The following TRAPPC13 variants were observed in gnomAD, a reference collection of about 807,000 sequenced individuals.
TRAPPC13 encodes REV7-interacting novel NHEJ regulator 1.
A neutral mutation model predicts 54.0 loss-of-function variants in TRAPPC13; 39 were observed. The ratio of observed to expected loss-of-function variants is 0.72; its 90% CI spans 0.56 to 0.94. TRAPPC13 has a LOEUF of 0.94. Among genes scored for constraint, TRAPPC13 ranks in the 40% least tolerant of loss-of-function variants. The probability of loss-of-function intolerance (pLI) is 0.00; values close to 1 mark genes in which losing one functional copy is unlikely to be tolerated. For synonymous variants in TRAPPC13, 148 were observed against 167.7 expected (o/e 0.88, Z 0.91); for missense variants, 386 against 488.1 (o/e 0.79, Z 1.97).
At chr5:65,661,600 C>T (rs37348) in intron 10 of TRAPPC13, 93,729 of 152,586 alleles carry the variant, frequency 0.61, 29,098 homozygotes, top group South Asian at 0.65. Context: ...TGTTCCAAGC[C>T]TTCGTGTTGT....
Position 65,658,470 on chromosome 5 carries a change from G to T in TRAPPC13, c.667G>T (p.Glu223Ter). The T allele has an allele frequency of 6.3e-7, 1 of 1,578,278 alleles. No individual in the cohort carries two copies. Among genetic ancestry groups the T allele is most frequent in the Non-Finnish European group, 8.6e-7 (1 of 1,160,084 alleles). ...GCCATCTATTATGTACAATGTAACAGAATTAAATTCAGTCAGCCAAGCTGG... is the reference window on the plus strand; with the variant it reads ...GCCATCTATTATGTACAATGTAACATAATTAAATTCAGTCAGCCAAGCTGG... ...LEPSIMYNVT[E>*]LNSVSQAGEC... Residue 223 changes from glutamate (E) to a stop codon, truncating the protein, a stop_gained, in exon 9 of 13, where the codon GAA becomes TAA. Coordinates refer to ENST00000399438, the MANE Select transcript of TRAPPC13 (RefSeq NM_024941.4). LOFTEE classifies it high-confidence loss of function.
At chr5:65,630,017 A>G in intron 1 of TRAPPC13, 1 of 1,535,986 alleles carries the variant, frequency 6.5e-7, no homozygotes, top group Non-Finnish European at 8.7e-7. Flanking sequence ...TTGTACTAAA[A>G]ACGTTTCTCC....
chr5:65,661,096 G>T (rs1756836787), intron 10 of TRAPPC13, 199 bp downstream of exon 10: 1 of 470,146 alleles, frequency 2.1e-6, no homozygotes, highest in South Asian at 3.8e-5. Context: ...ATGGTCAAAT[G>T]TTAATTTATC....
At chr5:65,640,346 A>G (rs1306140201) in intron 4 of TRAPPC13, among the ~76,000 whole-genome samples, 1 of 152,220 alleles carries the variant, frequency 6.6e-6, no homozygotes, top group Non-Finnish European at 1.5e-5. Context: ...AGACCAGCCT[A>G]CACAACATAG....
chr5:65,657,313 C>T (rs1042787308), intron 8 of TRAPPC13, among the ~76,000 whole-genome samples: 3 of 151,814 alleles, frequency 2.0e-5, no homozygotes, highest in Admixed American at 6.6e-5. Context: ...ACCCGGGAGG[C>T]GGAGGTTGCA....
intron 3 of TRAPPC13, 43 bp from the exon 4 acceptor site, chr5:65,637,653 A>T: frequency 4.0e-6 from 5 of 1,252,598 alleles, no homozygotes; most frequent in Middle Eastern, 2.0e-4. Context: ...AAAGAAAAAA[A>T]ACCTGAATGG....
chr5:65,661,064 C>T, intron 10 of TRAPPC13, 167 bp downstream of exon 10: 1 of 523,712 alleles, frequency 1.9e-6, no homozygotes, highest in South Asian at 3.3e-5. Context: ...AGGTCGAAGA[C>T]TGGTGTTGCC....
rs908401305 is a variant in TRAPPC13 at position 65,650,883 on chromosome 5, G to A, written c.501+1G>A. On this transcript the variant is annotated splice_donor_variant, in intron 6 of 12. Coordinates refer to ENST00000399438, the MANE Select transcript of TRAPPC13 (RefSeq NM_024941.4). LOFTEE classifies it high-confidence loss of function. ...TTTCAGAAAATTCTTCAAATTTCAG[G>A]TATTGAATATGACAATGGTAAATAG... 6 of 1,605,522 alleles carry A rather than the reference G, an allele frequency of 3.7e-6. No individual in the cohort carries two copies. The Admixed American group carries it at 5.0e-5, about 13-fold the overall frequency.
intron 2 of TRAPPC13, 136 bp from the exon 3 acceptor site, chr5:65,635,808 C>T: frequency 1.9e-6 from 1 of 536,998 alleles, no homozygotes; most frequent in Non-Finnish European, 3.1e-6. Context: ...GTATTAAAAT[C>T]TAGAAGTTAG....
At chr5:65,656,358 T>C (rs887466293) in intron 8 of TRAPPC13, among the ~76,000 whole-genome samples, 27 of 150,672 alleles carry the variant, frequency 1.8e-4, no homozygotes, top group Non-Finnish European at 5.9e-5. Flanking sequence ...AGTTTTTAAA[T>C]TGAAATGTGG....
chr5:65,657,779 A>G (rs1178860472), intron 8 of TRAPPC13, among the ~76,000 whole-genome samples: 1 of 152,196 alleles, frequency 6.6e-6, no homozygotes, highest in Non-Finnish European at 1.5e-5. Flanking sequence ...TATAATCCAC[A>G]TATTCTTTTT....
intron 4 of TRAPPC13, among the ~76,000 whole-genome samples, chr5:65,642,249 G>C (rs1755996998): frequency 6.6e-6 from 1 of 152,094 alleles, no homozygotes; most frequent in Admixed American, 6.5e-5. Context: ...CTTGAACTTA[G>C]GAGGCGGAGG....
chr5:65,627,936 A>T (rs1403780293), intron 1 of TRAPPC13, among the ~76,000 whole-genome samples: 1 of 152,218 alleles, frequency 6.6e-6, no homozygotes, highest in African/African-American at 2.4e-5. Context: ...TTGTGAAATG[A>T]TGACAAGAAT....
intron 4 of TRAPPC13, among the ~76,000 whole-genome samples, chr5:65,638,556 A>G (rs1024021466): frequency 6.6e-6 from 1 of 152,224 alleles, no homozygotes; most frequent in Non-Finnish European, 1.5e-5. Flanking sequence ...TTCACTTGGT[A>G]AGAGTCCGTA....
chr5:65,652,472 C>G (rs749760923), intron 6 of TRAPPC13, 29 bp from the exon 7 acceptor site: 2 of 1,522,978 alleles, frequency 1.3e-6, no homozygotes, highest in African/African-American at 2.8e-5. Context: ...TGATAACAAT[C>G]TCCTGATTGA....
rs1756720246 is a variant in TRAPPC13, at chr5:65,658,253, T to C, written c.565-115T>C. The stretch of plus-strand genomic sequence containing the variant: ...TTGTGGTAACTTTGATTTGCAGGCA[T>C]GAACTAATCACATTTGTGGTTAATA... On this transcript the variant is annotated intron_variant, in intron 8 of 12. Coordinates refer to ENST00000399438, the MANE Select transcript of TRAPPC13 (RefSeq NM_024941.4). 3.0e-6 allele frequency: 3 copies of C among 1,014,752 alleles called. No homozygotes were observed. The Admixed American group carries it at 9.6e-5, about 32-fold the overall frequency. 62.9% of individuals were successfully genotyped at this position (1,014,752 alleles called of 1,614,324 possible). A position where few individuals can be genotyped will look rare whatever the true frequency, so the allele number is the denominator to read the frequency against.
Position 65,662,108 on chromosome 5 carries a change from T to C in TRAPPC13, c.956T>C (p.Leu319Pro), listed in dbSNP as rs753039122. ...SLEAIPDTVN[L>P]EEPFHITCKI... ...GAGGCAATACCAGATACCGTAAACC[T>C]TGAAGAACCTTTTCATATTACCTGT... Residue 319 changes from leucine to proline, a missense_variant, in exon 11 of 13, where the codon CTT becomes CCT. Leu to Pro is a moderately conservative substitution (Grantham distance 98, BLOSUM62 -3). Coordinates refer to ENST00000399438, the MANE Select transcript of TRAPPC13 (RefSeq NM_024941.4). The C allele has an allele frequency of 5.0e-6, 8 of 1,608,988 alleles. No individual in the cohort carries two copies. The highest frequency in any genetic ancestry group is 6.8e-6 in the Non-Finnish European group (8 of 1,177,716).
At chr5:65,635,115 A>G (rs1755700695) in intron 1 of TRAPPC13, among the ~76,000 whole-genome samples, 186 bp from the exon 2 acceptor site, 1 of 152,202 alleles carries the variant, frequency 6.6e-6, no homozygotes, top group African/African-American at 2.4e-5. Flanking sequence ...TTATTTTGTA[A>G]CATTACAATT....
chr5:65,625,176 A>T, intron 1 of TRAPPC13, 70 bp downstream of exon 1: 1 of 1,302,940 alleles, frequency 7.7e-7, no homozygotes, highest in Non-Finnish European at 1.1e-6. Context: ...AGCCTTTGCC[A>T]TGTAGGCCTC....
Sources: gnomAD v4.1 joint callset for allele counts (sites outside exome capture counted in the v4.1 genomes callset) on GRCh38, gnomAD v4.1.1 for gene constraint, MANE v1.5 for transcripts, NCBI Gene and HGNC (gene_info 2026-07-23, HGNC 2026-07-21) for gene names.